MCPH1: variants seen among roughly 807,000 people sequenced by gnomAD.
The protein encoded by MCPH1 is microcephalin.
MCPH1 carries 104 observed loss-of-function variants against 84.5 expected under a neutral mutation model. The observed-to-expected ratio is 1.23, with a 90% CI of 1.05 to 1.45. The LOEUF is 1.45. Among genes scored for constraint, MCPH1 ranks in the 40% most tolerant of loss-of-function variants. The pLI is 0.00. For synonymous variants in MCPH1, 514 were observed against 366.8 expected (o/e 1.40, Z -4.58); for missense variants, 1,498 against 1,005.7 (o/e 1.49, Z -6.62).
intron 11 of MCPH1, among the ~76,000 whole-genome samples, chr8:6,496,121 T>C (rs1011939555): frequency 6.6e-6 from 1 of 152,184 alleles, no homozygotes; most frequent in African/African-American, 2.4e-5. Flanking sequence ...CAACTCACTG[T>C]AATGTAAAAT....
intron 3 of MCPH1, among the ~76,000 whole-genome samples, chr8:6,421,450 T>C (rs1319710457): frequency 6.6e-6 from 1 of 151,962 alleles, no homozygotes; most frequent in African/African-American, 2.4e-5. Context: ...CAGTGGTCTA[T>C]AGCAGAGAAT....
chr8:6,525,281 A>C (rs1222886502), intron 12 of MCPH1, among the ~76,000 whole-genome samples: 3 of 152,082 alleles, frequency 2.0e-5, no homozygotes, highest in Admixed American at 6.5e-5. Context: ...TTTTGGAGAG[A>C]TGGGGGTCTG....
chr8:6,457,431 C>T (rs868022381), intron 9 of MCPH1, among the ~76,000 whole-genome samples: 52 of 151,782 alleles, frequency 3.4e-4, no homozygotes, highest in African/African-American at 1.3e-3. Flanking sequence ...ATGGCAAAAT[C>T]CCGTCTCTAC....
chr8:6,621,047 C>T (rs527639000), intron 12 of MCPH1: 1 of 302,518 alleles, frequency 3.3e-6, no homozygotes, highest in Non-Finnish European at 6.3e-6. Flanking sequence ...TTGAATGACG[C>T]TCTCCCAGCA....
At chr8:6,544,670 A>G (rs1196401767) in intron 12 of MCPH1, among the ~76,000 whole-genome samples, 1 of 152,146 alleles carries the variant, frequency 6.6e-6, no homozygotes, top group Admixed American at 6.5e-5. Flanking sequence ...TTTCTATAGG[A>G]TTCCTCATTC....
rs3020239 is a variant in MCPH1 at position 6,563,950 on chromosome 8, T to C, written c.2215-57504T>C. ...TACAATAGAGAAATTAGAATTTAAG[T>C]GCCTGTGTAGAAAGAGGAATACAAA... On this transcript the variant is annotated intron_variant, in intron 12 of 13. Coordinates refer to ENST00000344683, the MANE Select transcript of MCPH1 (RefSeq NM_024596.5). Among the ~76,000 whole-genome samples, 1,140 of 151,694 alleles carry C rather than the reference T, an allele frequency of 7.5e-3. 20 individuals carry two copies. Among genetic ancestry groups the C allele is most frequent in the African/African-American group, 0.025 (1,049 of 41,374 alleles).
intron 2 of MCPH1, among the ~76,000 whole-genome samples, chr8:6,413,911 C>T (rs151230639): frequency 3.3e-5 from 5 of 152,036 alleles, no homozygotes; most frequent in South Asian, 2.1e-4. Context: ...CGAACCTCCA[C>T]GCTTGGCTAA....
At chr8:6,454,474 G>C (rs1212521112) in intron 8 of MCPH1, among the ~76,000 whole-genome samples, 1 of 152,200 alleles carries the variant, frequency 6.6e-6, no homozygotes, top group Non-Finnish European at 1.5e-5. Flanking sequence ...TGAAGGAGGA[G>C]GAAGGGTGAG....
At chr8:6,434,791 C>T (rs899636004) in intron 4 of MCPH1, among the ~76,000 whole-genome samples, 7 of 152,324 alleles carry the variant, frequency 4.6e-5, no homozygotes, top group East Asian at 1.9e-4. Flanking sequence ...CAAATTTGGG[C>T]TGGTAGCTTC....
chr8:6,432,756 C>G (rs1802026809), intron 4 of MCPH1, among the ~76,000 whole-genome samples: 5 of 152,308 alleles, frequency 3.3e-5, no homozygotes, highest in African/African-American at 1.2e-4. Flanking sequence ...ATAGTTTGCC[C>G]ATGCAGTGAT....
chr8:6,410,879 C>G (rs1585564433), intron 2 of MCPH1, among the ~76,000 whole-genome samples: 1 of 152,100 alleles, frequency 6.6e-6, no homozygotes, highest in African/African-American at 2.4e-5. Flanking sequence ...CACCTGAGGT[C>G]AGGAGTTCGA....
At chr8:6,592,835 T>G (rs1165272393) in intron 12 of MCPH1, among the ~76,000 whole-genome samples, 1 of 148,982 alleles carries the variant, frequency 6.7e-6, no homozygotes, top group Non-Finnish European at 1.5e-5. Context: ...TTTTTTTTTT[T>G]TTTGTATTTT....
chr8:6,532,440 T>C, intron 12 of MCPH1: 1 of 1,614,140 alleles, frequency 6.2e-7, no homozygotes, highest in Non-Finnish European at 8.5e-7. Context: ...CATTCTGCTG[T>C]ATCTCTACCA....
At chr8:6,547,033 C>T (rs749552665) in intron 12 of MCPH1, among the ~76,000 whole-genome samples, 3 of 152,092 alleles carry the variant, frequency 2.0e-5, no homozygotes, top group Admixed American at 6.5e-5. Context: ...GTTCTCAGAG[C>T]AACATGCACG....
chr8:6,436,138 C>T lies in MCPH1; in HGVS notation c.412C>T (p.Leu138=), dbSNP rs1328500945. 1.2e-6 allele frequency: 2 copies of T among 1,613,460 alleles called. No homozygotes were observed. The highest frequency in any genetic ancestry group is 1.7e-5 in the Admixed American group (1 of 59,986). ...QKKFEKMAKE[L]QRQKTNLDDD... ...GAAATTTGAGAAAATGGCTAAAGAG[C>T]TACAAAGGCAAAAAACAAATCTAGG... The change falls in exon 5 of 14, where the codon CTA becomes TTA. Residue 138 remains leucine, a synonymous_variant. Transcript: ENST00000344683.
intron 11 of MCPH1, among the ~76,000 whole-genome samples, chr8:6,496,539 G>A (rs1414087216): frequency 5.7e-5 from 6 of 104,682 alleles, no homozygotes; most frequent in Admixed American, 2.1e-4. Flanking sequence ...CCCTTCCCCC[G>A]CCTTTTTCCT....
chr8:6,532,467 G>T, intron 12 of MCPH1: 2 of 1,612,120 alleles, frequency 1.2e-6, no homozygotes, highest in Non-Finnish European at 1.7e-6. Flanking sequence ...TCTTCATGTT[G>T]TCCTGGATAT....
In MCPH1 at chr8:6,431,533, T is replaced by G; in HGVS notation, c.268T>G (p.Leu90Val). 6.2e-7 allele frequency: 1 copy of G among 1,613,698 alleles called. No individual in the cohort carries two copies. Among genetic ancestry groups the G allele is most frequent in the Non-Finnish European group, 8.5e-7 (1 of 1,179,774 alleles). The change falls in exon 4 of 14, where the codon TTG becomes GTG. Residue 90 changes from leucine (L) to valine (V), a missense_variant. Coordinates refer to ENST00000344683, the MANE Select transcript of MCPH1 (RefSeq NM_024596.5). ...AGCTGGAGCACACATTGATGAATCA[T>G]TGTTCCCTGCAGCTAATATGAATGA... ...RTAGAHIDES[L>V]FPAANMNEHL...
chr8:6,434,348 T>A (rs1326030602), intron 4 of MCPH1, among the ~76,000 whole-genome samples: 3 of 152,122 alleles, frequency 2.0e-5, no homozygotes, highest in African/African-American at 7.2e-5. Context: ...GGCAAATCCT[T>A]CATCTCACTA....
Sources: allele counts gnomAD v4.1 joint callset (sites outside exome capture counted in the v4.1 genomes callset), GRCh38; gene constraint gnomAD v4.1.1; transcripts MANE v1.5; gene names NCBI Gene and HGNC (gene_info 2026-07-23, HGNC 2026-07-21).